The following SNRPN variants were observed in gnomAD, a reference collection of about 807,000 sequenced individuals.
The protein encoded by SNRPN is small nuclear ribonucleoprotein-associated protein N.
A neutral mutation model predicts 25.2 loss-of-function variants in SNRPN; 7 were observed. The observed-to-expected ratio is 0.28, with a 90% CI of 0.16 to 0.52. The LOEUF is 0.52. SNRPN is among the 20% of genes least tolerant of loss of function. The probability of loss-of-function intolerance (pLI) is 0.96; values close to 1 mark genes in which losing one functional copy is unlikely to be tolerated. For synonymous variants in SNRPN, 124 were observed against 110.6 expected, an observed-to-expected ratio of 1.12 and a Z score of -0.76; for missense variants, 196 against 322.5, an observed-to-expected ratio of 0.61 and a Z score of 3.00.
rs1405202807 is a variant in SNRPN at position 24,929,653 on chromosome 15, C to T, written c.-391+9529C>T. Among the ~76,000 whole-genome samples, 1 of 151,848 alleles carries T rather than the reference C, an allele frequency of 6.6e-6. No individual in the cohort carries two copies. Among genetic ancestry groups the T allele is most frequent in the Non-Finnish European group, 1.5e-5 (1 of 68,010 alleles). ...GAGACCCAGCCAACTCTCTATGGGGCTGCCACACGACTTCCTAAAAAGGCA... is the reference window on the plus strand; with the variant it reads ...GAGACCCAGCCAACTCTCTATGGGGTTGCCACACGACTTCCTAAAAAGGCA... On this transcript the variant is annotated intron_variant, in intron 3 of 11. Transcript: ENST00000400097. This position sits in a 1 kb window ranked among gnomAD's most constrained non-coding sequence, Gnocchi z 5.3.
At chr15:24,971,736 G>A (rs1240641554) in intron 3 of SNRPN, among the ~76,000 whole-genome samples, 1 of 152,066 alleles carries the variant, frequency 6.6e-6, no homozygotes, top group Non-Finnish European at 1.5e-5. Flanking sequence ...GCATAAATGG[G>A]TTAAAAACGG....
chr15:24,860,447 G>A (rs992130822), intron 1 of SNRPN, among the ~76,000 whole-genome samples: 27 of 152,158 alleles, frequency 1.8e-4, no homozygotes, highest in African/African-American at 6.0e-4. Flanking sequence ...TTATTTTAAT[G>A]AGAATTGTGT....
At chr15:24,872,871 CAAAAAAAAAAAA>C (rs202062268) in intron 1 of SNRPN, among the ~76,000 whole-genome samples, 3,573 of 59,480 alleles carry the variant, frequency 0.06, 815 homozygotes, top group African/African-American at 0.2. Flanking sequence ...GACTCCGTCT[CAAAAAAAAAAAA>C]AAAAAAAAAA....
rs71127030 is a variant in SNRPN at position 24,958,486 on chromosome 15, G to GTTTTTTTTT, written c.-391+3450_-391+3458dup. Among the ~76,000 whole-genome samples the GTTTTTTTTT allele has an allele frequency of 3.8e-4, 25 of 65,298 alleles. 1 individual carries two copies. The highest frequency in any genetic ancestry group is 1.0e-3 in the South Asian group (1 of 992). The allele number at this position is 65,298 out of a possible 152,430, so 42.8% of individuals were successfully genotyped here. A position where few individuals can be genotyped will look rare whatever the true frequency, so the allele number is the denominator to read the frequency against. On this transcript the variant is annotated intron_variant, in intron 1 of 9. Transcript: ENST00000390687. ...ATTTCTGGATGCTAGCTGGCTCAAA[G>GTTTTTTTTT]TTTTTTTTTTTTTTTTTTTTTTTTT...
intron 2 of SNRPN, among the ~76,000 whole-genome samples, chr15:24,914,606 C>CCA (rs2059409642): frequency 6.6e-6 from 1 of 152,090 alleles, no homozygotes; most frequent in Admixed American, 6.5e-5. Flanking sequence ...CTTCAGTGGA[C>CCA]ACTTGTCCAG....
chr15:24,832,365 C>T (rs941532214), intron 2 of SNRPN, among the ~76,000 whole-genome samples: 14 of 152,030 alleles, frequency 9.2e-5, no homozygotes, highest in African/African-American at 3.1e-4. Context: ...GGATTACTGA[C>T]ATGGTTGTGA....
chr15:24,947,239 A>G (rs1227768668), intron 3 of SNRPN, among the ~76,000 whole-genome samples: 3 of 152,242 alleles, frequency 2.0e-5, no homozygotes, highest in African/African-American at 4.8e-5. Context: ...ATTATATTTA[A>G]GAGACCCTGC....
intron 2 of SNRPN, among the ~76,000 whole-genome samples, chr15:24,900,532 A>C (rs1413014491): frequency 6.6e-6 from 1 of 151,768 alleles, no homozygotes; most frequent in African/African-American, 2.4e-5. Context: ...ATTAAAGGGG[A>C]TGCCCATTTT....
chr15:24,970,251 T>A (rs143582101), intron 3 of SNRPN, among the ~76,000 whole-genome samples: 338 of 152,270 alleles, frequency 2.2e-3, no homozygotes, highest in African/African-American at 7.8e-3. Context: ...ATTAAAAATG[T>A]AAGGCACACG....
chr15:24,947,435 C>A (rs1019400445), intron 3 of SNRPN, among the ~76,000 whole-genome samples: 1 of 152,198 alleles, frequency 6.6e-6, no homozygotes, highest in Admixed American at 6.5e-5. Flanking sequence ...TCAAGACCAG[C>A]CTGCCCACTA....
upstream of SNRPN, among the ~76,000 whole-genome samples, chr15:24,854,913 A>C (rs1595478156): frequency 6.6e-6 from 1 of 151,972 alleles, no homozygotes; most frequent in East Asian, 1.9e-4. Flanking sequence ...CTGAGGCAGG[A>C]GAATCACTTG....
At chr15:24,897,313 G>A (rs1053468055) in intron 2 of SNRPN, among the ~76,000 whole-genome samples, 8 of 152,176 alleles carry the variant, frequency 5.3e-5, no homozygotes, top group Non-Finnish European at 1.0e-4. Context: ...TTGACTGGAT[G>A]TGGTGGCTCA....
rs545219705 is a variant in SNRPN, at chr15:24,828,526, G to A, written c.-686-1272G>A. 6.6e-5 allele frequency among the ~76,000 whole-genome samples: 10 copies of A among 152,096 alleles called. No homozygotes were observed. The South Asian group carries it at 1.2e-3, about 19-fold the overall frequency. ...CGCGCCACTGCACTCCAGCCTGGGCGACAGAGCGAGACTCCGTCTCGAAAA... is the reference window on the plus strand; with the variant it reads ...CGCGCCACTGCACTCCAGCCTGGGCAACAGAGCGAGACTCCGTCTCGAAAA... On this transcript the variant is annotated intron_variant, in intron 1 of 12. Coordinates refer to the SNRPN transcript ENST00000400100.
At position 24,976,320 on chromosome 15, in the gene SNRPN, G is replaced by A; in HGVS notation, c.171G>A (p.Lys57=). Reference sequence around the variant, plus strand: ...TGATTTGTAGGCCAAAGAATGCGAAGCAACCAGAGCGTGAAGAAAAGCGGG... The same window carrying A: ...TGATTTGTAGGCCAAAGAATGCGAAACAACCAGAGCGTGAAGAAAAGCGGG... ...EFRKIKPKNA[K]QPEREEKRVL... is the part of the protein sequence containing the mutation. The change falls in exon 6 of 10, where the codon AAG becomes AAA. Residue 57 remains lysine, a synonymous_variant. Coordinates refer to ENST00000390687, the MANE Select transcript of SNRPN (RefSeq NM_003097.6). The A allele has an allele frequency of 6.2e-7, 1 of 1,613,636 alleles. No individual in the cohort carries two copies. Among genetic ancestry groups the A allele is most frequent in the Non-Finnish European group, 8.5e-7 (1 of 1,179,836 alleles).
chr15:24,905,548 A>C (rs1182604962), intron 2 of SNRPN, among the ~76,000 whole-genome samples: 4 of 151,770 alleles, frequency 2.6e-5, no homozygotes, highest in Admixed American at 2.6e-4. Context: ...CATTTTAATA[A>C]TGTTAGTCAA....
At chr15:24,921,292 C>T (rs548159270) in intron 3 of SNRPN, 1 of 152,098 alleles carries the variant, frequency 6.6e-6, no homozygotes, top group African/African-American at 2.4e-5. Context: ...CCAGGGAATT[C>T]GTGAGGATGC....
intron 1 of SNRPN, among the ~76,000 whole-genome samples, chr15:24,955,545 G>A (rs1038399669): frequency 6.7e-6 from 1 of 150,366 alleles, no homozygotes; most frequent in Non-Finnish European, 1.5e-5. Context: ...GGGGTGTTGA[G>A]CGCAGGTAGG....
chr15:24,956,401 G>A (rs1037803644), intron 1 of SNRPN, among the ~76,000 whole-genome samples: 1 of 152,036 alleles, frequency 6.6e-6, no homozygotes, highest in African/African-American at 2.4e-5. Flanking sequence ...TGGGGAGGGG[G>A]CAGGTGGTGT....
chr15:24,945,267 G>A (rs1368898158), intron 3 of SNRPN, among the ~76,000 whole-genome samples: 1 of 143,128 alleles, frequency 7.0e-6, no homozygotes, highest in African/African-American at 2.6e-5. Context: ...TTCATATAAT[G>A]TTCACATCAT....
Sources: gnomAD v4.1 joint callset for allele counts (sites outside exome capture counted in the v4.1 genomes callset) on GRCh38, gnomAD v4.1.1 for gene constraint, Gnocchi (gnomAD v3.1) non-coding constraint, MANE v1.5 for transcripts, NCBI Gene and HGNC (gene_info 2026-07-23, HGNC 2026-07-21) for gene names.